The following HRH1 variants were observed in gnomAD, a reference collection of about 807,000 sequenced individuals.
The protein encoded by HRH1 is histamine H1 receptor.
In HRH1, 6 loss-of-function variants were observed where a neutral mutation model predicts 10.3. That is an observed-to-expected ratio of 0.58 (90% CI 0.32 to 1.15). HRH1 has a LOEUF of 1.15. HRH1 is among the 50% of genes most tolerant of loss of function. The probability of loss-of-function intolerance (pLI) is 0.05; values close to 1 mark genes in which losing one functional copy is unlikely to be tolerated. For synonymous variants in HRH1, 242 were observed against 236.7 expected (o/e 1.02, Z -0.21); for missense variants, 514 against 615.3 (o/e 0.84, Z 1.74).
chr3:11,149,582 A>C (rs946030730), upstream of HRH1, among the ~76,000 whole-genome samples: 3 of 152,236 alleles, frequency 2.0e-5, no homozygotes, highest in Admixed American at 6.5e-5. Flanking sequence ...CAGGGGCCTG[A>C]CATTCTATGT....
chr3:11,180,100 T>G (rs909102122), intron 1 of HRH1, among the ~76,000 whole-genome samples: 3 of 152,176 alleles, frequency 2.0e-5, no homozygotes, highest in African/African-American at 7.2e-5. Flanking sequence ...AAGATGTAAT[T>G]CACATACCAT....
chr3:11,218,174 C>T (rs930525960), intron 1 of HRH1, among the ~76,000 whole-genome samples: 17 of 152,072 alleles, frequency 1.1e-4, no homozygotes, highest in African/African-American at 3.4e-4. Flanking sequence ...AGGCCAGGCG[C>T]GGTGGCTCAC....
At chr3:11,175,538 A>G (rs1395954335) in intron 1 of HRH1, among the ~76,000 whole-genome samples, 2 of 152,254 alleles carry the variant, frequency 1.3e-5, no homozygotes, top group African/African-American at 2.4e-5. Flanking sequence ...TATATAATCC[A>G]CCTACAAATA....
intron 1 of HRH1, among the ~76,000 whole-genome samples, chr3:11,209,979 A>G (rs370004576): frequency 6.6e-6 from 1 of 152,250 alleles, no homozygotes; most frequent in African/African-American, 2.4e-5. Flanking sequence ...GTTAGATCGC[A>G]TCAAATGCAG....
chr3:11,150,473 G>A (rs1438790198), upstream of HRH1, among the ~76,000 whole-genome samples: 1 of 152,276 alleles, frequency 6.6e-6, no homozygotes, highest in East Asian at 1.9e-4. Flanking sequence ...GATGGGTGGG[G>A]AGCTGGACCG....
chr3:11,163,508 T>G (rs1936966630), intron 1 of HRH1, among the ~76,000 whole-genome samples: 1 of 152,160 alleles, frequency 6.6e-6, no homozygotes, highest in Non-Finnish European at 1.5e-5. Context: ...GCTCTACCAC[T>G]TAGTCACTGT....
intron 1 of HRH1, among the ~76,000 whole-genome samples, chr3:11,230,002 G>C (rs1312720499): frequency 6.6e-6 from 1 of 152,136 alleles, no homozygotes; most frequent in Non-Finnish European, 1.5e-5. Context: ...TTGGAAGCAG[G>C]CTGGCCAGAT....
chr3:11,164,208 G>A lies in HRH1; in HGVS notation c.-36+9654G>A, dbSNP rs1029534214. On this transcript the variant is annotated intron_variant, in intron 1 of 1. Coordinates refer to ENST00000431010, the MANE Select transcript of HRH1 (RefSeq NM_001098212.2). Reference sequence around the variant, plus strand: ...AAGGGATGCTCCAGAAAGAGCACACGGCCTGGGCTGGCCATGCCTTAGAGA... The same window carrying A: ...AAGGGATGCTCCAGAAAGAGCACACAGCCTGGGCTGGCCATGCCTTAGAGA... 1.4e-4 allele frequency among the ~76,000 whole-genome samples: 21 copies of A among 152,214 alleles called. 1 individual carries two copies. Among genetic ancestry groups the A allele is most frequent in the Non-Finnish European group, 2.4e-4 (16 of 68,044 alleles).
chr3:11,185,709 C>G (rs1054057847), intron 1 of HRH1, among the ~76,000 whole-genome samples: 1 of 152,176 alleles, frequency 6.6e-6, no homozygotes, highest in Non-Finnish European at 1.5e-5. Flanking sequence ...CAGTCCCTCC[C>G]TCCTGGGGGA....
chr3:11,212,412 A>G (rs1384133047), intron 1 of HRH1, among the ~76,000 whole-genome samples: 1 of 151,980 alleles, frequency 6.6e-6, no homozygotes, highest in East Asian at 1.9e-4. Context: ...GCCTCTTGTT[A>G]GCAAAGGACA....
rs190353094 is a variant in HRH1, at chr3:11,224,543, A to C, written c.-35-34460A>C. 4.3e-3 allele frequency among the ~76,000 whole-genome samples: 651 copies of C among 152,026 alleles called. 8 individuals carry two copies. Among genetic ancestry groups the C allele is most frequent in the Non-Finnish European group, 4.9e-3 (331 of 67,950 alleles). On this transcript the variant is annotated intron_variant, in intron 1 of 1. Transcript: ENST00000431010. ...AAACCCGGTCTCTACTAAAAAATAC[A>C]AAAAAAATTAGCCGAGCATGGTGGT...
At chr3:11,212,780 C>G (rs1237459996) in intron 1 of HRH1, among the ~76,000 whole-genome samples, 1 of 152,178 alleles carries the variant, frequency 6.6e-6, no homozygotes, top group Non-Finnish European at 1.5e-5. Flanking sequence ...TAGTGGCTCC[C>G]TGTTTCATCA....
At position 11,259,273 on chromosome 3, in the gene HRH1, T is replaced by C; in HGVS notation, c.236T>C (p.Val79Ala). The change falls in exon 2 of 2, where the codon GTC (valine) becomes GCC (alanine). Residue 79 changes from valine to alanine, a missense_variant. By Grantham distance (64) the Val-to-Ala change is moderately conservative. Coordinates refer to ENST00000431010, the MANE Select transcript of HRH1 (RefSeq NM_001098212.2). This position sits in a 1 kb window ranked among gnomAD's most constrained non-coding sequence, Gnocchi z 4.6. ...GTGGCGGACTTGATCGTGGGTGCCG[T>C]CGTCATGCCTATGAACATCCTCTAC... ...LSVADLIVGA[V>A]VMPMNILYLL... 6.2e-7 allele frequency: 1 copy of C among 1,613,064 alleles called. No homozygotes were observed. Among genetic ancestry groups the C allele is most frequent in the Non-Finnish European group, 8.5e-7 (1 of 1,179,706 alleles).
chr3:11,214,008 G>T (rs1938412178), intron 1 of HRH1, among the ~76,000 whole-genome samples: 1 of 152,172 alleles, frequency 6.6e-6, no homozygotes, highest in Non-Finnish European at 1.5e-5. Flanking sequence ...CTGGGGCCGG[G>T]CAAGGGTCTC....
At chr3:11,219,135 C>T (rs1209156137) in intron 1 of HRH1, among the ~76,000 whole-genome samples, 1 of 152,102 alleles carries the variant, frequency 6.6e-6, no homozygotes, top group Non-Finnish European at 1.5e-5. Flanking sequence ...GTGATCCACC[C>T]ACCTCAGCCT....
At chr3:11,241,473 A>G (rs892200521) in intron 1 of HRH1, among the ~76,000 whole-genome samples, 2 of 152,192 alleles carry the variant, frequency 1.3e-5, no homozygotes, top group South Asian at 2.1e-4. Context: ...CGCACCAATC[A>G]GCACTCGGTA....
chr3:11,214,468 G>A (rs1375414088), intron 1 of HRH1, among the ~76,000 whole-genome samples: 5 of 152,202 alleles, frequency 3.3e-5, no homozygotes, highest in Non-Finnish European at 7.3e-5. Context: ...GGATTTCTGG[G>A]CACTGTGGCC....
chr3:11,181,923 G>A (rs918893059), intron 1 of HRH1, among the ~76,000 whole-genome samples: 6 of 151,846 alleles, frequency 4.0e-5, no homozygotes, highest in Non-Finnish European at 7.4e-5. Flanking sequence ...GAGCCACCAC[G>A]CCTGGCCCCC....
intron 1 of HRH1, among the ~76,000 whole-genome samples, chr3:11,144,479 A>AGACATACGTCTATAAG (rs1936382814): frequency 7.0e-6 from 1 of 143,206 alleles, no homozygotes; most frequent in Non-Finnish European, 1.6e-5. Flanking sequence ...ATAGACATAT[A>AGACATACGTCTATAAG]TATACACACA....
Sources: gnomAD v4.1 joint callset for allele counts (sites outside exome capture counted in the v4.1 genomes callset) on GRCh38, gnomAD v4.1.1 for gene constraint, Gnocchi (gnomAD v3.1) non-coding constraint, MANE v1.5 for transcripts, NCBI Gene and HGNC (gene_info 2026-07-23, HGNC 2026-07-21) for gene names.